The following PCDHGA2 variants were observed in gnomAD, a reference collection of about 807,000 sequenced individuals.
PCDHGA2 encodes protocadherin gamma-A2.
PCDHGA2 carries 40 observed loss-of-function variants against 59.2 expected under a neutral mutation model. That is an observed-to-expected ratio of 0.68 (90% CI 0.52 to 0.88). PCDHGA2 has a LOEUF of 0.88. PCDHGA2 is among the 40% of genes least tolerant of loss of function. The probability of loss-of-function intolerance (pLI) is 0.00; values close to 1 mark genes in which losing one functional copy is unlikely to be tolerated. For missense variants in PCDHGA2, 1,226 were observed against 1,204.0 expected (o/e 1.02, Z -0.27); for synonymous variants, 560 against 526.0 (o/e 1.06, Z -0.89).
Position 141,486,274 on chromosome 5 carries a change from T to A in PCDHGA2, c.2425-8533T>A. On this transcript the variant is annotated intron_variant, in intron 1 of 3. Coordinates refer to ENST00000394576, the MANE Select transcript of PCDHGA2 (RefSeq NM_018915.4). The surrounding 1 kb of genome is among the most constrained non-coding windows in gnomAD (Gnocchi z 5.0). ...TCCCCGAGAGTGCAGAACCTGGCAC[T>A]GTGGTGGCACTTATCAGTGTGCAGG... is the stretch of plus-strand genomic sequence containing the variant. 5 of 1,614,064 alleles carry A rather than the reference T, an allele frequency of 3.1e-6. No homozygotes were observed. The highest frequency in any genetic ancestry group is 4.2e-6 in the Non-Finnish European group (5 of 1,179,998).
intron 1 of PCDHGA2, among the ~76,000 whole-genome samples, chr5:141,446,891 C>T (rs1457416718): frequency 6.6e-6 from 1 of 152,152 alleles, no homozygotes; most frequent in South Asian, 2.1e-4. Context: ...GGGTTCATGG[C>T]TGAGCTACTT....
At position 141,490,208 on chromosome 5, in the gene PCDHGA2, G is replaced by A. The variant is rs745796427; in HGVS notation, c.2425-4599G>A. On this transcript the variant is annotated intron_variant, in intron 1 of 3. Coordinates refer to ENST00000394576, the MANE Select transcript of PCDHGA2 (RefSeq NM_018915.4). The surrounding 1 kb of genome is among the most constrained non-coding windows in gnomAD (Gnocchi z 5.4). ...TTCTATGAAATTCATGCAAGAGCCC[G>A]TGACCAGGGACAGCCTGCCATGGAG... 44 of 1,614,120 alleles carry A rather than the reference G, an allele frequency of 2.7e-5. No individual in the cohort carries two copies. The Admixed American group carries it at 4.5e-4, about 17-fold the overall frequency.
intron 1 of PCDHGA2, chr5:141,345,659 C>A (rs752231427): frequency 1.9e-6 from 3 of 1,614,122 alleles, no homozygotes; most frequent in Non-Finnish European, 2.5e-6. Context: ...ACCCTCCACT[C>A]AGCAGCAACG....
intron 1 of PCDHGA2, chr5:141,374,155 G>A (rs1165591733): frequency 6.2e-7 from 1 of 1,612,144 alleles, no homozygotes; most frequent in Admixed American, 1.7e-5. Flanking sequence ...GGACGCTGTG[G>A]GGGGCCGCGG....
Position 141,476,374 on chromosome 5 carries a change from G to A in PCDHGA2, c.2425-18433G>A. 1.2e-6 allele frequency: 2 copies of A among 1,614,178 alleles called. No individual in the cohort carries two copies. Among genetic ancestry groups the A allele is most frequent in the Non-Finnish European group, 1.7e-6 (2 of 1,180,044 alleles). On this transcript the variant is annotated intron_variant, in intron 1 of 3. Transcript: ENST00000394576. This position sits in a 1 kb window ranked among gnomAD's most constrained non-coding sequence, Gnocchi z 7.6. ...AGGTGAACCGGGAGACCGGAGAGATGTTTGTGAACGACCGTCTGGATCGAG... is the reference window on the plus strand; with the variant it reads ...AGGTGAACCGGGAGACCGGAGAGATATTTGTGAACGACCGTCTGGATCGAG...
chr5:141,364,479 A>G (rs761634575), intron 1 of PCDHGA2: 1 of 1,614,046 alleles, frequency 6.2e-7, no homozygotes, highest in East Asian at 2.2e-5. Flanking sequence ...AACATAGCCA[A>G]GGACCTTGGG....
intron 1 of PCDHGA2, chr5:141,422,764 G>A: frequency 1.2e-6 from 2 of 1,613,582 alleles, no homozygotes; most frequent in Non-Finnish European, 8.5e-7. Flanking sequence ...CTCCAACACT[G>A]GTGTTCTCTA....
At position 141,477,781 on chromosome 5, in the gene PCDHGA2, A is replaced by G; in HGVS notation, c.2425-17026A>G. 6.2e-7 allele frequency: 1 copy of G among 1,614,036 alleles called. No homozygotes were observed. Among genetic ancestry groups the G allele is most frequent in the South Asian group, 1.1e-5 (1 of 91,090 alleles). Reference sequence around the variant, plus strand: ...TAGCCACCAACATCAGCGTGAACATATTTGTCACTGATCGCAATGACAATG... The same window carrying G: ...TAGCCACCAACATCAGCGTGAACATGTTTGTCACTGATCGCAATGACAATG... On this transcript the variant is annotated intron_variant, in intron 1 of 3. Coordinates refer to ENST00000394576, the MANE Select transcript of PCDHGA2 (RefSeq NM_018915.4). The surrounding 1 kb of genome is among the most constrained non-coding windows in gnomAD (Gnocchi z 4.9).
At position 141,383,756 on chromosome 5, in the gene PCDHGA2, C is replaced by T. The variant is rs62620755; in HGVS notation, c.2424+42361C>T. 6.8e-6 allele frequency: 11 copies of T among 1,613,838 alleles called. No homozygotes were observed. Among genetic ancestry groups the T allele is most frequent in the East Asian group, 2.2e-5 (1 of 44,890 alleles). ...ACATATTCTTTTCGGAAAATAACTC[C>T]TAAACTTCCAAAGATGTTTCATCTG... On this transcript the variant is annotated intron_variant, in intron 1 of 3. Coordinates refer to ENST00000394576, the MANE Select transcript of PCDHGA2 (RefSeq NM_018915.4).
chr5:141,426,630 T>C, intron 1 of PCDHGA2: 1 of 398,080 alleles, frequency 2.5e-6, no homozygotes, highest in South Asian at 1.8e-5. Context: ...TCTAAATGTT[T>C]TTCACATAAA....
chr5:141,504,379 G>A lies in PCDHGA2; in HGVS notation c.2484-1014G>A, dbSNP rs181617363. On this transcript the variant is annotated intron_variant, in intron 2 of 3. Transcript: ENST00000394576. ...GCTTCAGTAGGAAGCAGGTGGAGTC[G>A]CTGCCTCACAGAAGCCAGTGTGGTG... Among the ~76,000 whole-genome samples the A allele has an allele frequency of 2.4e-3, 361 of 152,206 alleles. 1 individual carries two copies. The highest frequency in any genetic ancestry group is 0.021 in the Admixed American group (315 of 15,286).
At position 141,338,977 on chromosome 5, in the gene PCDHGA2, G is replaced by A; in HGVS notation, c.6G>A (p.Ala2=). The A allele has an allele frequency of 2.6e-6, 4 of 1,531,718 alleles. No homozygotes were observed. Among genetic ancestry groups the A allele is most frequent in the East Asian group, 2.3e-5 (1 of 43,912 alleles). The allele number at this position is 1,531,718 out of a possible 1,614,324, so 94.9% of individuals were successfully genotyped here. The change falls in exon 1 of 4, where the codon GCG becomes GCA. Residue 2 remains alanine, a synonymous_variant. Coordinates refer to ENST00000394576, the MANE Select transcript of PCDHGA2 (RefSeq NM_018915.4). ...AAAATTGCGACAGGAGGGAAATGGCGGCTCTGCAAAAGTTGCCACACTGCA... is the reference window on the plus strand; with the variant it reads ...AAAATTGCGACAGGAGGGAAATGGCAGCTCTGCAAAAGTTGCCACACTGCA... M[A]ALQKLPHCRK...
At chr5:141,364,352 T>C in intron 1 of PCDHGA2, 1 of 1,551,202 alleles carries the variant, frequency 6.4e-7, no homozygotes, top group Non-Finnish European at 8.7e-7. Context: ...ACCTAGGGGC[T>C]GGGGCTGCGG....
At position 141,414,606 on chromosome 5, in the gene PCDHGA2, A is replaced by G. The variant is rs760846889; in HGVS notation, c.2424+73211A>G. ...ACGCCAGGGGTGCCTCCATCTTCTCAGTGACAGCGCTGGACCCGGACAGCA... is the reference window on the plus strand; with the variant it reads ...ACGCCAGGGGTGCCTCCATCTTCTCGGTGACAGCGCTGGACCCGGACAGCA... On this transcript the variant is annotated intron_variant, in intron 1 of 3. Coordinates refer to ENST00000394576, the MANE Select transcript of PCDHGA2 (RefSeq NM_018915.4). The G allele has an allele frequency of 1.6e-5, 26 of 1,613,826 alleles. No homozygotes were observed. In the East Asian group the frequency reaches 5.6e-4, roughly 35 times the overall value.
intron 3 of PCDHGA2, among the ~76,000 whole-genome samples, chr5:141,509,050 C>T (rs867585045): frequency 1.6e-4 from 25 of 152,304 alleles, no homozygotes; most frequent in Admixed American, 5.2e-4. Flanking sequence ...CCCCCGCCCC[C>T]AGAAAGCTCT....
chr5:141,405,319 GC>G, intron 1 of PCDHGA2: 1 of 1,614,176 alleles, frequency 6.2e-7, no homozygotes, highest in Non-Finnish European at 8.5e-7. Context: ...AGAAAAATGA[GC>G]CTTTGTGCGT....
Position 141,489,101 on chromosome 5 carries a change from T to C in PCDHGA2, c.2425-5706T>C. The C allele has an allele frequency of 2.5e-6, 1 of 398,412 alleles. No homozygotes were observed. The highest frequency in any genetic ancestry group is 4.3e-5 in the South Asian group (1 of 23,096). The allele number at this position is 398,412 out of a possible 1,614,324, so 24.7% of individuals were successfully genotyped here. A position where few individuals can be genotyped will look rare whatever the true frequency, so the allele number is the denominator to read the frequency against. ...CCGCCACTCGGTGACTAAGAACTGC[T>C]GCAAGCAGGCAAACCTCCGAGCAGT... On this transcript the variant is annotated intron_variant, in intron 1 of 3. Coordinates refer to ENST00000394576, the MANE Select transcript of PCDHGA2 (RefSeq NM_018915.4). The surrounding 1 kb of genome is among the most constrained non-coding windows in gnomAD (Gnocchi z 4.5).
intron 1 of PCDHGA2, chr5:141,422,520 G>A (rs759529752): frequency 1.9e-6 from 3 of 1,613,946 alleles, no homozygotes; most frequent in South Asian, 2.2e-5. Flanking sequence ...AGGGAAGCCC[G>A]CCTTTGTCTG....
intron 1 of PCDHGA2, chr5:141,421,032 C>A: frequency 1.9e-6 from 1 of 533,288 alleles, no homozygotes; most frequent in Non-Finnish European, 3.3e-6. Flanking sequence ...GCCATTGAGT[C>A]CCTCCCTCCC....
Sources: allele counts gnomAD v4.1 joint callset (sites outside exome capture counted in the v4.1 genomes callset), GRCh38; gene constraint gnomAD v4.1.1; non-coding constraint Gnocchi (gnomAD v3.1); transcripts MANE v1.5; gene names NCBI Gene and HGNC (gene_info 2026-07-23, HGNC 2026-07-21).